Variants in PTDSS2 observed in about 807,000 individuals in gnomAD.
The protein encoded by PTDSS2 is phosphatidylserine synthase 2, also known as PSS-2.
A neutral mutation model predicts 64.7 loss-of-function variants in PTDSS2; 41 were observed. The ratio of observed to expected loss-of-function variants is 0.63; its 90% CI spans 0.49 to 0.82. The LOEUF is 0.82. Ranked by LOEUF, PTDSS2 falls within the 40% of genes least tolerant of loss-of-function variation. PTDSS2 has a pLI of 0.00. For missense variants in PTDSS2, 485 were observed against 650.0 expected (o/e 0.75, Z 2.76); for synonymous variants, 297 against 277.8 (o/e 1.07, Z -0.69).
intron 2 of PTDSS2, among the ~76,000 whole-genome samples, chr11:464,460 C>A (rs7103786): frequency 0.011 from 1,722 of 152,188 alleles, 28 homozygotes; most frequent in African/African-American, 0.032. Flanking sequence ...CCGGCTCGGG[C>A]AGTGCGGAGG....
At chr11:451,430 G>T in intron 1 of PTDSS2, 1 of 445,368 alleles carries the variant, frequency 2.2e-6, no homozygotes, top group Non-Finnish European at 4.6e-6. Flanking sequence ...CTGTGAGAAG[G>T]ATCAAGCCGT....
At chr11:455,309 C>T (rs1004360534) in intron 1 of PTDSS2, among the ~76,000 whole-genome samples, 4 of 152,206 alleles carry the variant, frequency 2.6e-5, no homozygotes, top group African/African-American at 7.2e-5. Context: ...GAACCCCTCA[C>T]GTGGGGTGGC....
rs1419528259 is a variant in PTDSS2, at chr11:460,495, G to A, written c.284+207G>A. 1.1e-5 allele frequency: 6 copies of A among 549,070 alleles called. No homozygotes were observed. Among genetic ancestry groups the A allele is most frequent in the East Asian group, 9.0e-5 (3 of 33,318 alleles). The allele number at this position is 549,070 out of a possible 1,614,324, so 34.0% of individuals were successfully genotyped here. On this transcript the variant is annotated intron_variant, in intron 2 of 11. Coordinates refer to ENST00000308020, the MANE Select transcript of PTDSS2 (RefSeq NM_030783.3). The surrounding 1 kb of genome is among the most constrained non-coding windows in gnomAD (Gnocchi z 5.8). ...GTGGCGTTCCCGGTCAGCCCCCGTCGCCTGTCACTGGGAGCCAGGAGTCTG... is the reference window on the plus strand; with the variant it reads ...GTGGCGTTCCCGGTCAGCCCCCGTCACCTGTCACTGGGAGCCAGGAGTCTG...
At chr11:487,117 G>A (rs777786076) in intron 5 of PTDSS2, 44 bp downstream of exon 5, 56 of 1,573,982 alleles carry the variant, frequency 3.6e-5, no homozygotes, top group Non-Finnish European at 4.4e-5. Context: ...CCCAGGTGTG[G>A]CCCCGTGCCG....
intron 4 of PTDSS2, among the ~76,000 whole-genome samples, chr11:484,640 ATG>A (rs2133827217): frequency 7.1e-6 from 1 of 139,868 alleles, no homozygotes; most frequent in South Asian, 2.4e-4. Context: ...GTGCATGGGC[ATG>A]TGTGCTCACT....
Position 461,340 on chromosome 11 carries a change from A to G in PTDSS2, c.284+1052A>G, listed in dbSNP as rs1292050546. Among the ~76,000 whole-genome samples the G allele has an allele frequency of 6.6e-6, 1 of 152,204 alleles. No homozygotes were observed. Among genetic ancestry groups the G allele is most frequent in the Non-Finnish European group, 1.5e-5 (1 of 68,026 alleles). The stretch of plus-strand genomic sequence containing the variant: ...GCCCTGTGGGCTCTAGAACACAAGC[A>G]TGCCCAGTGCCCTGTCTGTAGGGGA... On this transcript the variant is annotated intron_variant, in intron 2 of 11. Coordinates refer to ENST00000308020, the MANE Select transcript of PTDSS2 (RefSeq NM_030783.3). This position sits in a 1 kb window ranked among gnomAD's most constrained non-coding sequence, Gnocchi z 4.2.
At chr11:455,364 C>T (rs1846538134) in intron 1 of PTDSS2, among the ~76,000 whole-genome samples, 1 of 152,142 alleles carries the variant, frequency 6.6e-6, no homozygotes, top group South Asian at 2.1e-4. Context: ...TGTTAGCTTC[C>T]CCACTGGAGG....
intron 4 of PTDSS2, among the ~76,000 whole-genome samples, chr11:485,017 CAG>C (rs779812598): frequency 1.5e-4 from 18 of 122,422 alleles, no homozygotes; most frequent in East Asian, 5.4e-4. Context: ...CGAGCGTAAA[CAG>C]TGCACGGGCG....
chr11:470,659 G>T lies in PTDSS2; in HGVS notation c.285-3236G>T, dbSNP rs902809868. The stretch of plus-strand genomic sequence containing the variant: ...GGCTGGAGTGTAGTGGCGTGATCTC[G>T]GCTCACTGCAACCTCCGCCTCTCGG... On this transcript the variant is annotated intron_variant, in intron 2 of 11. Coordinates refer to ENST00000308020, the MANE Select transcript of PTDSS2 (RefSeq NM_030783.3). This position sits in a 1 kb window ranked among gnomAD's most constrained non-coding sequence, Gnocchi z 5.3. 6.6e-6 allele frequency among the ~76,000 whole-genome samples: 1 copy of T among 151,274 alleles called. No homozygotes were observed. Among genetic ancestry groups the T allele is most frequent in the African/African-American group, 2.4e-5 (1 of 41,132 alleles).
At chr11:487,548 G>A in intron 6 of PTDSS2, 78 bp downstream of exon 6, 1 of 1,374,316 alleles carries the variant, frequency 7.3e-7, no homozygotes, top group Admixed American at 1.7e-5. Flanking sequence ...TCTGTCCATG[G>A]AGTTGAGCTC....
At chr11:474,886 T>G (rs1277344528) in intron 3 of PTDSS2, among the ~76,000 whole-genome samples, 1 of 151,278 alleles carries the variant, frequency 6.6e-6, no homozygotes, top group Non-Finnish European at 1.5e-5. Flanking sequence ...CGTGTTTGTG[T>G]GTGCGGACAT....
At chr11:471,120 C>G (rs1015179471) in intron 2 of PTDSS2, among the ~76,000 whole-genome samples, 7 of 125,384 alleles carry the variant, frequency 5.6e-5, no homozygotes, top group African/African-American at 1.8e-4. Flanking sequence ...TTTTTTGAGA[C>G]TGAGTCTTGC....
intron 2 of PTDSS2, among the ~76,000 whole-genome samples, chr11:469,206 T>G (rs1590638629): frequency 9.7e-6 from 1 of 102,836 alleles, no homozygotes; most frequent in African/African-American, 4.0e-5. Context: ...AGGAGGGGAG[T>G]CTCTGGGTAA....
intron 1 of PTDSS2, among the ~76,000 whole-genome samples, chr11:452,670 A>T (rs547362776): frequency 6.6e-6 from 1 of 151,854 alleles, no homozygotes; most frequent in Admixed American, 6.6e-5. Context: ...CCCTGTAGAG[A>T]CGCATGGGGC....
chr11:453,787 G>C (rs955623193), intron 1 of PTDSS2, among the ~76,000 whole-genome samples: 1 of 152,218 alleles, frequency 6.6e-6, no homozygotes, highest in Non-Finnish European at 1.5e-5. Context: ...CTTGGTCTCG[G>C]CCTCCCTGCC....
upstream of PTDSS2, among the ~76,000 whole-genome samples, chr11:449,981 G>A (rs1846241137): frequency 6.6e-6 from 1 of 152,146 alleles, no homozygotes; most frequent in Admixed American, 6.5e-5. Context: ...TGGGGTGAAG[G>A]GTCGGGAAGC....
In PTDSS2 at chr11:489,740, G is replaced by A; in HGVS notation, c.1115+7G>A. ...ACGACTTCATGGATGACCCGTGAGG[G>A]CTGCGGCAGTCCGGGTGGAGACACC... On this transcript the variant is annotated splice_region_variant and intron_variant, in intron 10 of 11. Coordinates refer to ENST00000308020, the MANE Select transcript of PTDSS2 (RefSeq NM_030783.3). The A allele has an allele frequency of 1.9e-6, 3 of 1,607,394 alleles. No homozygotes were observed. The highest frequency in any genetic ancestry group is 2.5e-6 in the Non-Finnish European group (3 of 1,177,152).
At chr11:450,663 C>T (rs1846273244) in intron 1 of PTDSS2, 26 bp downstream of exon 1, 3 of 1,242,454 alleles carry the variant, frequency 2.4e-6, no homozygotes, top group Middle Eastern at 3.1e-4. Flanking sequence ...GGCCGCGGGG[C>T]GGCGAGGGTG....
At chr11:474,926 C>A (rs1181050482) in intron 3 of PTDSS2, among the ~76,000 whole-genome samples, 5 of 149,508 alleles carry the variant, frequency 3.3e-5, no homozygotes, top group South Asian at 2.1e-4. Context: ...GACATATTCA[C>A]GCGTTTATGA....
Sources: allele counts gnomAD v4.1 joint callset (sites outside exome capture counted in the v4.1 genomes callset), GRCh38; gene constraint gnomAD v4.1.1; non-coding constraint Gnocchi (gnomAD v3.1); transcripts MANE v1.5; gene names NCBI Gene and HGNC (gene_info 2026-07-23, HGNC 2026-07-21).